Variants in PANK2 observed in about 807,000 individuals in gnomAD.
The protein encoded by PANK2 is pantothenate kinase 2, also known as pantothenate kinase 2, mitochondrial.
Under a neutral mutation model 43.1 loss-of-function variants are expected in PANK2, and 36 were observed. The observed-to-expected ratio is 0.84, with a 90% confidence interval of 0.64 to 1.10. PANK2 has a LOEUF of 1.10. PANK2 is among the 50% of genes least tolerant of loss of function. PANK2 has a pLI of 0.00. For missense variants in PANK2, 576 were observed against 593.3 expected (o/e 0.97, Z 0.30); for synonymous variants, 281 against 238.2 (o/e 1.18, Z -1.66).
At chr20:3,910,141 A>G (rs1473474889) in intron 2 of PANK2, among the ~76,000 whole-genome samples, 1 of 152,030 alleles carries the variant, frequency 6.6e-6, no homozygotes, top group Non-Finnish European at 1.5e-5. Context: ...TACTGCTCCA[A>G]AGCCTTGAGA....
upstream of PANK2, chr20:3,888,911 C>T (rs890300506): frequency 1.6e-5 from 9 of 558,374 alleles, no homozygotes; most frequent in Admixed American, 1.8e-4. Context: ...TAAGGTCAGC[C>T]GCGGTTCAAG....
Position 3,919,061 on chromosome 20 carries a change from C to G in PANK2, c.1332+265C>G, listed in dbSNP as rs139936365. Among the ~76,000 whole-genome samples the G allele has an allele frequency of 6.6e-5, 10 of 152,254 alleles. No homozygotes were observed. The East Asian group carries it at 1.9e-3, about 29-fold the overall frequency. ...AGCTGGGATTACAAGTGTGCGCCCC[C>G]ACACCCTGCTAATTTTTGTACTTTC... On this transcript the variant is annotated intron_variant, in intron 6 of 6. Coordinates refer to ENST00000610179, the MANE Select transcript of PANK2 (RefSeq NM_001386393.1).
chr20:3,912,515 T>G lies in PANK2; in HGVS notation c.963T>G (p.Phe321Leu). The change falls in exon 4 of 7, where the codon TTT (phenylalanine) becomes TTG (leucine). Residue 321 changes from phenylalanine (F) to leucine (L), a missense_variant. Coordinates refer to ENST00000610179, the MANE Select transcript of PANK2 (RefSeq NM_001386393.1). ...GTCTTCTTACTGGCTGTACCACTTT[T>G]GAAGAAGCTCTTGAAATGGCATCTC... 1 of 1,614,186 alleles carries G rather than the reference T, an allele frequency of 6.2e-7. No individual in the cohort carries two copies. Among genetic ancestry groups the G allele is most frequent in the Non-Finnish European group, 8.5e-7 (1 of 1,180,032 alleles).
At chr20:3,914,033 C>A (rs555667986) in intron 4 of PANK2, among the ~76,000 whole-genome samples, 1 of 150,844 alleles carries the variant, frequency 6.6e-6, no homozygotes, top group Non-Finnish European at 1.5e-5. Context: ...TCATGATCCG[C>A]CCGCCTTGGC....
rs142205948 is a variant in PANK2, at chr20:3,915,287, G to A, written c.1083-1640G>A. 4.2e-3 allele frequency among the ~76,000 whole-genome samples: 640 copies of A among 151,964 alleles called. 4 individuals are homozygous for A. The highest frequency in any genetic ancestry group is 0.015 in the African/African-American group (620 of 41,462). On this transcript the variant is annotated intron_variant, in intron 4 of 6. Coordinates refer to ENST00000610179, the MANE Select transcript of PANK2 (RefSeq NM_001386393.1). Reference sequence around the variant, plus strand: ...TTTTAGCTCATATATATATATGTGTGTGTGTGTATTTTTTTCTTTTTTTCT... The same window carrying A: ...TTTTAGCTCATATATATATATGTGTATGTGTGTATTTTTTTCTTTTTTTCT...
intron 6 of PANK2, among the ~76,000 whole-genome samples, chr20:3,922,709 C>T (rs958494157): frequency 6.6e-6 from 1 of 152,164 alleles, no homozygotes; most frequent in South Asian, 2.1e-4. Flanking sequence ...GATGCTGCCC[C>T]CTCCTGCTGT....
At position 3,925,265 on chromosome 20, in the gene PANK2, C is replaced by G. The variant is rs994192667; in HGVS notation, c.*1971C>G. On this transcript the variant is annotated 3_prime_UTR_variant, in exon 7 of 7. Transcript: ENST00000610179. ...CACAGCAGGGTTTTTGAGACAGTCT[C>G]GCTGTGTCACCCAGGTGGAGTGCAG... is the stretch of plus-strand genomic sequence containing the variant. 6.6e-6 allele frequency: 1 copy of G among 152,474 alleles called. No homozygotes were observed. The highest frequency in any genetic ancestry group is 2.4e-5 in the African/African-American group (1 of 41,460). 9.4% of individuals were successfully genotyped at this position (152,474 alleles called of 1,614,324 possible).
At chr20:3,910,427 C>T in intron 2 of PANK2, 150 bp from the exon 3 acceptor site, 2 of 885,152 alleles carry the variant, frequency 2.3e-6, no homozygotes, top group Non-Finnish European at 3.6e-6. Flanking sequence ...AGGTTTGCTC[C>T]TAAATCTGTT....
At position 3,889,791 on chromosome 20, in the gene PANK2, C is replaced by T. The variant is rs545702739; in HGVS notation, c.298+63C>T. 168 of 1,552,194 alleles carry T rather than the reference C, an allele frequency of 1.1e-4. 3 individuals are homozygous for T. The South Asian group carries it at 1.1e-3, about 10-fold the overall frequency. On this transcript the variant is annotated intron_variant, in intron 1 of 6. Transcript: ENST00000610179. The stretch of plus-strand genomic sequence containing the variant: ...CCCCCCCTTCCGGCCCACCCTGTCC[C>T]CTTCCGGCCCCGCCGCCGTTTTTCC...
At chr20:3,905,350 C>CTTTTT (rs34914526) in intron 1 of PANK2, among the ~76,000 whole-genome samples, 2 of 134,400 alleles carry the variant, frequency 1.5e-5, no homozygotes, top group Admixed American at 7.8e-5. Flanking sequence ...GCTGCTATCT[C>CTTTTT]TTTTTTTTTT....
chr20:3,910,317 GT>G (rs1342338036), intron 2 of PANK2, among the ~76,000 whole-genome samples: 4 of 132,482 alleles, frequency 3.0e-5, no homozygotes, highest in Non-Finnish European at 4.9e-5. Context: ...TGTTTTTTTT[GT>G]TTTTTTTTTG....
At chr20:3,889,059 G>A (rs1047868081), upstream of PANK2, 42 of 1,477,812 alleles carry the variant, frequency 2.8e-5, no homozygotes, top group Non-Finnish European at 3.6e-5. Context: ...CGGCCCGGGG[G>A]GGCAGAGGCA....
intron 1 of PANK2, among the ~76,000 whole-genome samples, chr20:3,894,113 T>G (rs1268695259): frequency 6.6e-6 from 1 of 151,900 alleles, no homozygotes; most frequent in Non-Finnish European, 1.5e-5. Context: ...TTGTGTTTAG[T>G]AGAGATGGGA....
At chr20:3,890,485 C>G (rs573735990) in intron 1 of PANK2, among the ~76,000 whole-genome samples, 1 of 152,290 alleles carries the variant, frequency 6.6e-6, no homozygotes, top group South Asian at 2.1e-4. Context: ...GTATTTTCTC[C>G]CCTTTACAAG....
At chr20:3,890,438 G>A (rs1211538452) in intron 1 of PANK2, among the ~76,000 whole-genome samples, 1 of 152,152 alleles carries the variant, frequency 6.6e-6, no homozygotes, top group Non-Finnish European at 1.5e-5. Context: ...CAGAGAATCC[G>A]TTTCCCCATT....
chr20:3,903,724 A>G (rs2090343131), intron 1 of PANK2, among the ~76,000 whole-genome samples: 1 of 148,534 alleles, frequency 6.7e-6, no homozygotes, highest in South Asian at 2.1e-4. Context: ...ATCTCCTGGG[A>G]TCAAGCGATT....
intron 1 of PANK2, 186 bp downstream of exon 1, chr20:3,889,914 G>A (rs900347881): frequency 7.2e-6 from 11 of 1,532,054 alleles, no homozygotes; most frequent in Admixed American, 5.9e-5. Flanking sequence ...TACCTTCGGG[G>A]GCCCCCCCGC....
intron 1 of PANK2, among the ~76,000 whole-genome samples, chr20:3,892,608 A>G (rs530238931): frequency 4.1e-5 from 6 of 145,532 alleles, no homozygotes; most frequent in African/African-American, 1.5e-4. Flanking sequence ...CCCGGGAGGC[A>G]GAGGTTGCAG....
intron 6 of PANK2, among the ~76,000 whole-genome samples, chr20:3,919,887 T>TTA (rs2090621082): frequency 6.6e-6 from 1 of 152,216 alleles, no homozygotes; most frequent in Non-Finnish European, 1.5e-5. Flanking sequence ...TCCTTTAAAG[T>TTA]TACTTTAAGT....
Sources: gnomAD v4.1 joint callset for allele counts (sites outside exome capture counted in the v4.1 genomes callset) on GRCh38, gnomAD v4.1.1 for gene constraint, MANE v1.5 for transcripts, NCBI Gene and HGNC (gene_info 2026-07-23, HGNC 2026-07-21) for gene names.